Variants in PIKFYVE observed in about 807,000 individuals in gnomAD.
PIKFYVE encodes phosphoinositide kinase, FYVE-type zinc finger containing.
In PIKFYVE, 122 loss-of-function variants were observed where a neutral mutation model predicts 257.9. That is an observed-to-expected ratio of 0.47 (90% confidence interval 0.41 to 0.55). PIKFYVE has a LOEUF of 0.55. PIKFYVE is among the 20% of genes least tolerant of loss of function. The probability of loss-of-function intolerance (pLI) is 0.00; values close to 1 mark genes in which losing one functional copy is unlikely to be tolerated. For synonymous variants in PIKFYVE, 892 were observed against 868.9 expected, an observed-to-expected ratio of 1.03 and a Z score of -0.47; for missense variants, 2,160 against 2,536.6, an observed-to-expected ratio of 0.85 and a Z score of 3.19.
intron 21 of PIKFYVE, 48 bp from the exon 22 acceptor site, chr2:208,329,794 C>G: frequency 6.2e-7 from 1 of 1,602,718 alleles, no homozygotes; most frequent in Non-Finnish European, 8.5e-7. Context: ...TGAAATGTCT[C>G]TGGGGCATGG....
In PIKFYVE at chr2:208,325,327, T is replaced by C; in HGVS notation, c.2516T>C (p.Ile839Thr). The change falls in exon 20 of 42, where the codon ATC (isoleucine) becomes ACC (threonine). Residue 839 changes from isoleucine (I) to threonine (T), a missense_variant. This residue lies in a region of PIKFYVE where 522 missense variants were observed against 514.6 expected (regional missense o/e 1.01). Transcript: ENST00000264380. ...EGCPQHLGCT[I>T]KLRGGSDYEL... ...TGTCCACAGCACCTAGGCTGTACAA[T>C]CAAGCTAAGAGGAGGCTCTGATTAT... 6.2e-7 allele frequency: 1 copy of C among 1,614,032 alleles called. No homozygotes were observed. Among genetic ancestry groups the C allele is most frequent in the Non-Finnish European group, 8.5e-7 (1 of 1,180,036 alleles).
intron 32 of PIKFYVE, among the ~76,000 whole-genome samples, chr2:208,344,679 T>C (rs559602343): frequency 1.7e-4 from 25 of 145,814 alleles, no homozygotes; most frequent in African/African-American, 5.8e-4. Context: ...AGTCAGGTTT[T>C]TTTTTTTTCT....
At chr2:208,286,390 A>G (rs1329740192) in intron 6 of PIKFYVE, among the ~76,000 whole-genome samples, 1 of 152,006 alleles carries the variant, frequency 6.6e-6, no homozygotes, top group Non-Finnish European at 1.5e-5. Flanking sequence ...GGTATATGTC[A>G]TGTTTTTCTG....
At chr2:208,329,553 C>A (rs142486389) in intron 21 of PIKFYVE, among the ~76,000 whole-genome samples, 17 of 152,232 alleles carry the variant, frequency 1.1e-4, no homozygotes, top group African/African-American at 4.1e-4. Context: ...GTAAAGGAAA[C>A]CTTTACCTCT....
At chr2:208,276,934 G>T (rs1271283281) in intron 4 of PIKFYVE, 104 bp downstream of exon 4, 1 of 850,668 alleles carries the variant, frequency 1.2e-6, no homozygotes, top group Middle Eastern at 2.3e-4. Context: ...CTTAATTAGC[G>T]CTTCCTCCAG....
At chr2:208,315,412 T>C in intron 15 of PIKFYVE, 39 bp downstream of exon 15, 1 of 1,606,650 alleles carries the variant, frequency 6.2e-7, no homozygotes, top group Non-Finnish European at 8.5e-7. Flanking sequence ...TAGGAACTGA[T>C]GAGGCAGGAC....
chr2:208,331,714 A>C (rs528419185), intron 23 of PIKFYVE, among the ~76,000 whole-genome samples: 183 of 152,326 alleles, frequency 1.2e-3, no homozygotes, highest in Non-Finnish European at 2.3e-3. Flanking sequence ...TGGAAGGCAC[A>C]TATGGGAATT....
Position 208,308,674 on chromosome 2 carries a change from G to A in PIKFYVE, c.1637-3562G>A, listed in dbSNP as rs151316098. Reference sequence around the variant, plus strand: ...AAACACAAAGAGTGTAGTGTATCTGGTGAATGTAAGAGCTTATGATAACAC... The same window carrying A: ...AAACACAAAGAGTGTAGTGTATCTGATGAATGTAAGAGCTTATGATAACAC... On this transcript the variant is annotated intron_variant, in intron 12 of 41. Coordinates refer to ENST00000264380, the MANE Select transcript of PIKFYVE (RefSeq NM_015040.4). 2.7e-5 allele frequency among the ~76,000 whole-genome samples: 4 copies of A among 149,888 alleles called. No individual in the cohort carries two copies. The East Asian group carries it at 7.9e-4, about 30-fold the overall frequency.
At chr2:208,283,555 C>G (rs1430813801) in intron 5 of PIKFYVE, among the ~76,000 whole-genome samples, 1 of 151,736 alleles carries the variant, frequency 6.6e-6, no homozygotes, top group East Asian at 1.9e-4. Flanking sequence ...GAAAGTCTTT[C>G]TGCAGGGAGT....
At chr2:208,270,525 T>G (rs994670280) in intron 1 of PIKFYVE, among the ~76,000 whole-genome samples, 3 of 152,200 alleles carry the variant, frequency 2.0e-5, no homozygotes, top group African/African-American at 7.2e-5. Flanking sequence ...GATCTTCATC[T>G]TAATGTCTAT....
rs374384080 is a variant in PIKFYVE, at chr2:208,353,728, T to C, written c.5845-170T>C. Among the ~76,000 whole-genome samples, 25 of 152,330 alleles carry C rather than the reference T, an allele frequency of 1.6e-4. No individual in the cohort carries two copies. In the South Asian group the frequency reaches 5.2e-3, roughly 32 times the overall value. On this transcript the variant is annotated intron_variant, in intron 39 of 41. Coordinates refer to ENST00000264380, the MANE Select transcript of PIKFYVE (RefSeq NM_015040.4). ...GTATTTTATGTACTGTACAATGATA[T>C]CACCATGCGTTTAAAAACTTAAAAA...
At chr2:208,352,371 T>C (rs558355358) in intron 38 of PIKFYVE, among the ~76,000 whole-genome samples, 83 of 152,110 alleles carry the variant, frequency 5.5e-4, no homozygotes, top group Non-Finnish European at 9.4e-4. Flanking sequence ...GAAGTTATCA[T>C]GGTTTATTAC....
intron 7 of PIKFYVE, among the ~76,000 whole-genome samples, chr2:208,290,408 A>G (rs1380452440): frequency 2.0e-5 from 3 of 152,190 alleles, no homozygotes; most frequent in Non-Finnish European, 2.9e-5. Flanking sequence ...TCTTTCACCT[A>G]CTAATACGCA....
At chr2:208,316,466 TG>T (rs756769123) in intron 15 of PIKFYVE, among the ~76,000 whole-genome samples, 161 of 152,026 alleles carry the variant, frequency 1.1e-3, no homozygotes, top group Non-Finnish European at 1.8e-3. Context: ...ACTTCCACAA[TG>T]GTTGAACTAG....
chr2:208,288,074 G>C (rs1691820338), intron 6 of PIKFYVE, among the ~76,000 whole-genome samples: 1 of 152,210 alleles, frequency 6.6e-6, no homozygotes, highest in African/African-American at 2.4e-5. Context: ...GACAGGCCCT[G>C]TCGTAATGGG....
rs776705894 is a variant in PIKFYVE, at chr2:208,325,480, A to C, written c.2669A>C (p.His890Pro). 6.2e-7 allele frequency: 1 copy of C among 1,614,206 alleles called. No homozygotes were observed. The highest frequency in any genetic ancestry group is 1.3e-5 in the African/African-American group (1 of 75,050). Reference protein sequence around the residue: ...PPTLMQNPSFHSLIEGRGHEG... With the variant: ...PPTLMQNPSFPSLIEGRGHEG... ...ACATTAATGCAAAACCCTTCATTCC[A>C]TTCCCTGATTGAGGGACGAGGGCAT... The change falls in exon 20 of 42, where the codon CAT (histidine) becomes CCT (proline). Residue 890 changes from histidine to proline, a missense_variant. By Grantham distance (77) the His-to-Pro change is moderately conservative (BLOSUM62 -2). This residue lies in a region of PIKFYVE where 522 missense variants were observed against 514.6 expected (regional missense o/e 1.01). Coordinates refer to ENST00000264380, the MANE Select transcript of PIKFYVE (RefSeq NM_015040.4).
In PIKFYVE at chr2:208,326,415, G is replaced by A; in HGVS notation, c.3604G>A (p.Val1202Met). 3 of 1,614,082 alleles carry A rather than the reference G, an allele frequency of 1.9e-6. No homozygotes were observed. The highest frequency in any genetic ancestry group is 2.5e-6 in the Non-Finnish European group (3 of 1,179,956). Residue 1202 changes from valine (V) to methionine (M), a missense_variant, in exon 20 of 42, where the codon GTG becomes ATG. Around this residue, in one of 12 missense-constraint regions of PIKFYVE, gnomAD observed 522 missense variants for 514.6 expected, o/e 1.01. Coordinates refer to ENST00000264380, the MANE Select transcript of PIKFYVE (RefSeq NM_015040.4). ...GAGAGGGCTTATTCTGAGTGATGCT[G>A]TGTGGTCAACAAAGGTGAGCCAGAC... ...EERGLILSDA[V>M]WSTKVDCLNP...
At position 208,317,960 on chromosome 2, in the gene PIKFYVE, GC is replaced by G; in HGVS notation, c.2082+20del. The G allele has an allele frequency of 8.3e-7, 1 of 1,199,946 alleles. No homozygotes were observed. The highest frequency in any genetic ancestry group is 1.2e-6 in the Non-Finnish European group (1 of 862,522). 74.3% of individuals were successfully genotyped at this position (1,199,946 alleles called of 1,614,324 possible). On this transcript the variant is annotated intron_variant, in intron 16 of 41. Coordinates refer to ENST00000264380, the MANE Select transcript of PIKFYVE (RefSeq NM_015040.4). ...TAAAAAGGTAATGTGATTCAGTTCA[GC>G]AGTGAAGTTCAGCAAACCATGGCTG...
intron 25 of PIKFYVE, 55 bp from the exon 26 acceptor site, chr2:208,335,738 G>C: frequency 7.7e-7 from 1 of 1,296,666 alleles, no homozygotes; most frequent in East Asian, 2.3e-5. Context: ...ATTTATGTGA[G>C]ATAGAAAATT....
Sources: gnomAD v4.1 joint callset for allele counts (sites outside exome capture counted in the v4.1 genomes callset) on GRCh38, gnomAD v4.1.1 for gene constraint, gnomAD v4.1.1 regional missense constraint, MANE v1.5 for transcripts, NCBI Gene and HGNC (gene_info 2026-07-23, HGNC 2026-07-21) for gene names.